ELK3: variants seen among roughly 807,000 people sequenced by gnomAD.
ELK3 encodes the protein ETS domain-containing protein Elk-3.
Under a neutral mutation model 28.9 loss-of-function variants are expected in ELK3, and 10 were observed. That is an observed-to-expected ratio of 0.35 (90% CI 0.21 to 0.59). The LOEUF is 0.59. ELK3 is among the 20% of genes least tolerant of loss of function. The pLI is 0.82. For synonymous variants in ELK3, 272 were observed against 243.5 expected (o/e 1.12, Z -1.09); for missense variants, 463 against 517.3 (o/e 0.90, Z 1.02).
At chr12:96,210,565 G>GCA (rs56257302) in intron 1 of ELK3, among the ~76,000 whole-genome samples, 6,853 of 146,400 alleles carry the variant, frequency 0.047, 207 homozygotes, top group Non-Finnish European at 0.059. Context: ...GCGGGCGCAC[G>GCA]CACACACACA....
chr12:96,219,524 AT>A (rs1951647803), intron 1 of ELK3, among the ~76,000 whole-genome samples: 1 of 152,020 alleles, frequency 6.6e-6, no homozygotes, highest in East Asian at 1.9e-4. Context: ...ATGAAACTTG[AT>A]CTCATAGTTA....
intron 1 of ELK3, among the ~76,000 whole-genome samples, chr12:96,202,477 T>A (rs1260449219): frequency 2.0e-5 from 3 of 150,558 alleles, no homozygotes. Flanking sequence ...CTAGAGTAGA[T>A]CTCCCTCAGT....
intron 1 of ELK3, chr12:96,212,963 G>A (rs1951587486): frequency 2.6e-5 from 4 of 152,158 alleles, no homozygotes; most frequent in African/African-American, 9.7e-5. Context: ...TAGAGAAATC[G>A]AGAGCCAAAG....
At chr12:96,258,409 T>C (rs1951968480) in intron 3 of ELK3, among the ~76,000 whole-genome samples, 1 of 152,244 alleles carries the variant, frequency 6.6e-6, no homozygotes, top group Admixed American at 6.5e-5. Context: ...TGGATGTTTG[T>C]CTCCATTCTG....
intron 1 of ELK3, among the ~76,000 whole-genome samples, chr12:96,214,564 C>G (rs1951597515): frequency 6.6e-6 from 1 of 151,918 alleles, no homozygotes; most frequent in African/African-American, 2.4e-5. Context: ...TAGATATTCA[C>G]AGAATGCAAA....
intron 1 of ELK3, among the ~76,000 whole-genome samples, chr12:96,213,315 AGAAC>A (rs1951589518): frequency 6.6e-6 from 1 of 152,222 alleles, no homozygotes; most frequent in African/African-American, 2.4e-5. Context: ...AAGCCCAGAA[AGAAC>A]AAACTCTATC....
intron 1 of ELK3, among the ~76,000 whole-genome samples, chr12:96,198,768 A>T (rs568480897): frequency 3.9e-5 from 6 of 152,278 alleles, no homozygotes; most frequent in Non-Finnish European, 5.9e-5. Flanking sequence ...TCAGTTTTTT[A>T]AAAAAATGCA....
intron 2 of ELK3, among the ~76,000 whole-genome samples, chr12:96,235,930 C>A (rs1323841484): frequency 1.3e-5 from 2 of 152,112 alleles, no homozygotes; most frequent in Non-Finnish European, 2.9e-5. Flanking sequence ...TGGGTTCGAG[C>A]GATTCTCCTG....
intron 1 of ELK3, among the ~76,000 whole-genome samples, chr12:96,219,314 ATTTTT>A (rs201135242): frequency 6.6e-6 from 1 of 151,964 alleles, no homozygotes; most frequent in Non-Finnish European, 1.5e-5. Flanking sequence ...AATCGTTTAA[ATTTTT>A]TTTCCGGTGA....
At chr12:96,252,094 C>T (rs189678416) in intron 3 of ELK3, among the ~76,000 whole-genome samples, 2 of 152,296 alleles carry the variant, frequency 1.3e-5, no homozygotes, top group East Asian at 1.9e-4. Flanking sequence ...AAGTTGAAGC[C>T]AGTGCTACTA....
chr12:96,223,840 T>C (rs2137014899), intron 2 of ELK3, 67 bp downstream of exon 2: 8 of 1,481,478 alleles, frequency 5.4e-6, no homozygotes, highest in Middle Eastern at 1.7e-4. Context: ...AGTTCACTGA[T>C]GAAAGAAAAT....
At position 96,247,534 on chromosome 12, in the gene ELK3, T is replaced by C. The variant is rs1360578953; in HGVS notation, c.802T>C (p.Ser268Pro). 2 of 1,613,700 alleles carry C rather than the reference T, an allele frequency of 1.2e-6. No individual in the cohort carries two copies. Among genetic ancestry groups the C allele is most frequent in the African/African-American group, 2.7e-5 (2 of 74,772 alleles). The change falls in exon 3 of 5, where the codon TCC becomes CCC. Residue 268 changes from serine (S) to proline (P), a missense_variant. By Grantham distance (74) the Ser-to-Pro change is moderately conservative. This residue lies in a region of ELK3 where 408 missense variants were observed against 414.8 expected (regional missense o/e 0.98). Coordinates refer to ENST00000228741, the MANE Select transcript of ELK3 (RefSeq NM_005230.4). The surrounding 1 kb of genome is among the most constrained non-coding windows in gnomAD (Gnocchi z 5.5). ...SLFLEAACHD[S>P]DSLEPLNLSS... ...CTTCCTGGAGGCCGCCTGCCATGAC[T>C]CCGATTCCCTGGAGCCCTTGAACCT...
At position 96,267,255 on chromosome 12, in the gene ELK3, G is replaced by A. The variant is rs754927286; in HGVS notation, c.*75G>A. 2.1e-4 allele frequency: 268 copies of A among 1,273,688 alleles called. No homozygotes were observed. The highest frequency in any genetic ancestry group is 3.8e-4 in the Middle Eastern group (2 of 5,298). 78.9% of individuals were successfully genotyped at this position (1,273,688 alleles called of 1,614,324 possible). A position where few individuals can be genotyped will look rare whatever the true frequency, so the allele number is the denominator to read the frequency against. Reference sequence around the variant, plus strand: ...CCCCACGGGCTAGTTTACCTGTGTCGTGAGAAGGACATTGTGAAACTCTTG... The same window carrying A: ...CCCCACGGGCTAGTTTACCTGTGTCATGAGAAGGACATTGTGAAACTCTTG... On this transcript the variant is annotated 3_prime_UTR_variant, in exon 5 of 5. Coordinates refer to ENST00000228741, the MANE Select transcript of ELK3 (RefSeq NM_005230.4).
At chr12:96,253,216 C>T (rs979107812) in intron 3 of ELK3, among the ~76,000 whole-genome samples, 3 of 152,208 alleles carry the variant, frequency 2.0e-5, no homozygotes, top group Non-Finnish European at 2.9e-5. Flanking sequence ...GCCGAGATCA[C>T]GCCACCGCAC....
chr12:96,233,300 T>G (rs1478513465), intron 2 of ELK3, among the ~76,000 whole-genome samples: 1 of 152,194 alleles, frequency 6.6e-6, no homozygotes, highest in East Asian at 1.9e-4. Flanking sequence ...CATCCTCTTC[T>G]GTCCAGCAGA....
chr12:96,264,280 C>A (rs541127625), intron 4 of ELK3, among the ~76,000 whole-genome samples: 1 of 152,238 alleles, frequency 6.6e-6, no homozygotes, highest in East Asian at 1.9e-4. Flanking sequence ...AACGACCATA[C>A]CTGGCTAGAG....
chr12:96,197,343 C>T (rs1299006783), intron 1 of ELK3, among the ~76,000 whole-genome samples: 1 of 152,064 alleles, frequency 6.6e-6, no homozygotes. Context: ...TGCTGCTAAC[C>T]AGTCAACAAT....
chr12:96,243,447 A>G (rs141206962), intron 2 of ELK3, among the ~76,000 whole-genome samples: 5 of 152,310 alleles, frequency 3.3e-5, no homozygotes, highest in Admixed American at 6.5e-5. Context: ...AGAATATTCT[A>G]TTCTATGGCT....
At chr12:96,252,759 T>C in intron 3 of ELK3, among the ~76,000 whole-genome samples, 1 of 152,228 alleles carries the variant, frequency 6.6e-6, no homozygotes, top group African/African-American at 2.4e-5. Flanking sequence ...TTTCTTGAGA[T>C]AGAATCTACT....
Sources: allele counts gnomAD v4.1 joint callset (sites outside exome capture counted in the v4.1 genomes callset), GRCh38; gene constraint gnomAD v4.1.1; regional missense constraint gnomAD v4.1.1; non-coding constraint Gnocchi (gnomAD v3.1); transcripts MANE v1.5; gene names NCBI Gene and HGNC (gene_info 2026-07-23, HGNC 2026-07-21).